Variants in KSR1 observed in about 807,000 individuals in gnomAD.
KSR1 encodes kinase suppressor of ras 1.
Under a neutral mutation model 92.9 loss-of-function variants are expected in KSR1, and 35 were observed. That is an observed-to-expected ratio of 0.38 (90% confidence interval 0.29 to 0.50). The LOEUF (loss-of-function observed/expected upper bound fraction) is 0.50. KSR1 is among the 20% of genes least tolerant of loss of function. The pLI is 0.94. For synonymous variants in KSR1, 467 were observed against 472.6 expected, an observed-to-expected ratio of 0.99 and a Z score of 0.15; for missense variants, 972 against 1,158.5, an observed-to-expected ratio of 0.84 and a Z score of 2.34.
At chr17:27,467,570 T>C (rs2019758253) in intron 1 of KSR1, among the ~76,000 whole-genome samples, 1 of 152,108 alleles carries the variant, frequency 6.6e-6, no homozygotes, top group African/African-American at 2.4e-5. Flanking sequence ...TAGGGTGTGG[T>C]TGCGTTTTTG....
At position 27,527,395 on chromosome 17, in the gene KSR1, C is replaced by T. The variant is rs1232280341; in HGVS notation, c.232-23173C>T. ...AGACACTGCAGTGGCACACCCGCCC[C>T]CCCCCCCCCCTTTTTTTTCTTTTTT... On this transcript the variant is annotated intron_variant, in intron 1 of 20. Coordinates refer to ENST00000644974, the MANE Select transcript of KSR1 (RefSeq NM_001394583.1). 2.7e-3 allele frequency among the ~76,000 whole-genome samples: 225 copies of T among 83,990 alleles called. 16 individuals carry two copies. Among genetic ancestry groups the T allele is most frequent in the Admixed American group, 0.024 (206 of 8,756 alleles). 55.1% of individuals were successfully genotyped at this position (83,990 alleles called of 152,430 possible).
At chr17:27,500,391 T>C (rs1443355651) in intron 1 of KSR1, among the ~76,000 whole-genome samples, 1 of 151,922 alleles carries the variant, frequency 6.6e-6, no homozygotes, top group African/African-American at 2.4e-5. Context: ...TAGTGTAGGT[T>C]TGATGGTATG....
At chr17:27,515,019 AT>A (rs2069736107) in intron 1 of KSR1, among the ~76,000 whole-genome samples, 1 of 152,170 alleles carries the variant, frequency 6.6e-6, no homozygotes, top group Admixed American at 6.5e-5. Context: ...AGCTAAGCAC[AT>A]TGTTATTTGA....
intron 1 of KSR1, among the ~76,000 whole-genome samples, chr17:27,502,353 G>A (rs2069221411): frequency 6.6e-6 from 1 of 152,228 alleles, no homozygotes; most frequent in African/African-American, 2.4e-5. Flanking sequence ...CCCCCAGTGG[G>A]TGGAGGGAGA....
At chr17:27,478,188 G>T (rs1290113330) in intron 1 of KSR1, among the ~76,000 whole-genome samples, 1 of 152,220 alleles carries the variant, frequency 6.6e-6, no homozygotes, top group Non-Finnish European at 1.5e-5. Context: ...TGGAGTATGT[G>T]CTTTAATCAG....
chr17:27,580,429 C>CG (rs2072705734), intron 3 of KSR1, among the ~76,000 whole-genome samples: 1 of 152,184 alleles, frequency 6.6e-6, no homozygotes, highest in Non-Finnish European at 1.5e-5. Context: ...TGCAAAGAAA[C>CG]TTATGAATTG....
At chr17:27,619,251 G>C (rs993216625) in intron 19 of KSR1, among the ~76,000 whole-genome samples, 1 of 152,158 alleles carries the variant, frequency 6.6e-6, no homozygotes, top group African/African-American at 2.4e-5. Flanking sequence ...CCTAGGAAGG[G>C]TCAGGTAATA....
chr17:27,619,635 T>C (rs530496817), intron 19 of KSR1, among the ~76,000 whole-genome samples: 203 of 152,028 alleles, frequency 1.3e-3, no homozygotes, highest in Non-Finnish European at 2.2e-3. Context: ...TGACCTCAGG[T>C]GATCACCCAC....
At chr17:27,611,056 C>T (rs1041564045) in intron 17 of KSR1, among the ~76,000 whole-genome samples, 6 of 152,178 alleles carry the variant, frequency 3.9e-5, no homozygotes, top group Admixed American at 2.0e-4. Flanking sequence ...GTGGCCTTGG[C>T]GCCATCCTTC....
chr17:27,620,744 C>CTGGG (rs574782058), intron 19 of KSR1, among the ~76,000 whole-genome samples: 70 of 152,314 alleles, frequency 4.6e-4, no homozygotes, highest in Non-Finnish European at 9.4e-4. Flanking sequence ...GCTTAACAAG[C>CTGGG]TGGGCCCTGG....
chr17:27,475,474 G>T (rs924227594), intron 1 of KSR1, among the ~76,000 whole-genome samples: 1 of 152,192 alleles, frequency 6.6e-6, no homozygotes, highest in African/African-American at 2.4e-5. Context: ...CAGAGCGCTG[G>T]CCCGGGGCAG....
At chr17:27,545,689 G>C (rs1308364560) in intron 1 of KSR1, among the ~76,000 whole-genome samples, 1 of 152,226 alleles carries the variant, frequency 6.6e-6, no homozygotes, top group African/African-American at 2.4e-5. Context: ...ATCTGGGCAG[G>C]GGGCTGGAGG....
intron 1 of KSR1, among the ~76,000 whole-genome samples, chr17:27,534,502 G>A (rs2948539): frequency 0.41 from 62,248 of 152,048 alleles, 13,414 homozygotes; most frequent in African/African-American, 0.54. Flanking sequence ...TGAGGCAGAG[G>A]GTGGTTAAGT....
At chr17:27,576,485 A>G (rs1283133975) in intron 2 of KSR1, among the ~76,000 whole-genome samples, 3 of 152,224 alleles carry the variant, frequency 2.0e-5, no homozygotes, top group Non-Finnish European at 4.4e-5. Flanking sequence ...CTCTCAAAAT[A>G]TCTTACTGTA....
At chr17:27,531,124 C>T (rs777800376) in intron 1 of KSR1, among the ~76,000 whole-genome samples, 7 of 152,230 alleles carry the variant, frequency 4.6e-5, no homozygotes, top group African/African-American at 7.2e-5. Context: ...AGCCCTTCCC[C>T]GCTTCATTCT....
chr17:27,608,260 C>A (rs1478528294), intron 15 of KSR1, among the ~76,000 whole-genome samples: 1 of 152,214 alleles, frequency 6.6e-6, no homozygotes, highest in East Asian at 1.9e-4. Context: ...ACTTGGCAGG[C>A]TTTAGAGGCC....
chr17:27,561,870 G>C (rs1265322261), intron 2 of KSR1, among the ~76,000 whole-genome samples: 4 of 152,176 alleles, frequency 2.6e-5, no homozygotes, highest in Non-Finnish European at 5.9e-5. Flanking sequence ...GTTTGTGGCA[G>C]AGTCTCGCTC....
chr17:27,460,370 T>G (rs1302724556), intron 1 of KSR1, among the ~76,000 whole-genome samples: 1 of 152,208 alleles, frequency 6.6e-6, no homozygotes, highest in African/African-American at 2.4e-5. Flanking sequence ...AGCCTACTAG[T>G]ACTTTCCAGA....
intron 1 of KSR1, among the ~76,000 whole-genome samples, chr17:27,547,507 G>A (rs1326282853): frequency 1.3e-5 from 2 of 152,208 alleles, no homozygotes; most frequent in Non-Finnish European, 2.9e-5. Flanking sequence ...ATCTGAAAAA[G>A]CAGTTTCCAC....
Sources: allele counts gnomAD v4.1 joint callset (sites outside exome capture counted in the v4.1 genomes callset), GRCh38; gene constraint gnomAD v4.1.1; transcripts MANE v1.5; gene names NCBI Gene and HGNC (gene_info 2026-07-23, HGNC 2026-07-21).